AFAP1L1: variants seen among roughly 807,000 people sequenced by gnomAD.
AFAP1L1 encodes actin filament-associated protein 1-like 1.
A neutral mutation model predicts 99.8 loss-of-function variants in AFAP1L1; 77 were observed. The observed-to-expected ratio is 0.77, with a 90% CI of 0.64 to 0.93. The LOEUF (loss-of-function observed/expected upper bound fraction) is 0.93, where lower values mean the gene tolerates loss of function less well. Among genes scored for constraint, AFAP1L1 ranks in the 40% least tolerant of loss-of-function variants. AFAP1L1 has a pLI of 0.00. For missense variants in AFAP1L1, 893 were observed against 996.8 expected, an observed-to-expected ratio of 0.90 and a Z score of 1.40; for synonymous variants, 373 against 395.3, an observed-to-expected ratio of 0.94 and a Z score of 0.67.
In AFAP1L1 at chr5:149,301,135, T is replaced by C; in HGVS notation, c.232T>C (p.Cys78Arg). Residue 78 changes from cysteine to arginine, a missense_variant and splice_region_variant, in exon 4 of 19, where the codon TGT (cysteine) becomes CGT (arginine). Cys to Arg is a radical substitution (Grantham distance 180). Transcript: ENST00000296721. ...FVESLFEEFD[C>R]DLSDLRDMPE... ...CCCAATGGCCTGTCCCTCTGTAGAC[T>C]GTGACCTGAGTGACCTTCGGGACAT... The C allele has an allele frequency of 2.5e-6, 4 of 1,613,918 alleles. No homozygotes were observed. The highest frequency in any genetic ancestry group is 1.7e-4 in the Middle Eastern group (1 of 6,060).
chr5:149,322,161 T>G (rs1464389489), intron 14 of AFAP1L1, among the ~76,000 whole-genome samples: 2 of 152,256 alleles, frequency 1.3e-5, no homozygotes, highest in Non-Finnish European at 2.9e-5. Context: ...ATATTCTTCA[T>G]GCACAAATGT....
intron 1 of AFAP1L1, among the ~76,000 whole-genome samples, chr5:149,290,752 TTACTA>T (rs1307870993): frequency 1.4e-4 from 21 of 152,196 alleles, no homozygotes; most frequent in Non-Finnish European, 8.8e-5. Flanking sequence ...AAGCATCTCT[TTACTA>T]TACTGAGCCA....
intron 1 of AFAP1L1, among the ~76,000 whole-genome samples, chr5:149,284,131 G>T (rs1483591650): frequency 6.6e-6 from 1 of 152,260 alleles, no homozygotes; most frequent in East Asian, 1.9e-4. Context: ...AAGCAAAGCG[G>T]GGCAGCATGC....
chr5:149,330,213 G>T (rs1757217299), intron 16 of AFAP1L1, among the ~76,000 whole-genome samples: 1 of 152,194 alleles, frequency 6.6e-6, no homozygotes, highest in South Asian at 2.1e-4. Flanking sequence ...GTGAGACATT[G>T]GTCCTAGTGC....
chr5:149,278,058 C>A (rs1755393300), intron 1 of AFAP1L1, among the ~76,000 whole-genome samples: 1 of 152,196 alleles, frequency 6.6e-6, no homozygotes, highest in Non-Finnish European at 1.5e-5. Context: ...TCCTCCCTCC[C>A]ACCCTCTGCC....
intron 1 of AFAP1L1, among the ~76,000 whole-genome samples, chr5:149,294,439 C>T (rs1293799814): frequency 2.0e-5 from 3 of 152,178 alleles, no homozygotes; most frequent in Non-Finnish European, 4.4e-5. Flanking sequence ...TGTCATCAGA[C>T]TTCTGTATTC....
At chr5:149,280,899 G>A (rs1024622284) in intron 1 of AFAP1L1, among the ~76,000 whole-genome samples, 2 of 152,170 alleles carry the variant, frequency 1.3e-5, no homozygotes, top group African/African-American at 4.8e-5. Context: ...CAGAGTGCCA[G>A]AATGGAAATG....
intron 18 of AFAP1L1, 55 bp downstream of exon 18, chr5:149,335,777 T>C: frequency 6.3e-7 from 1 of 1,588,498 alleles, no homozygotes; most frequent in Non-Finnish European, 8.5e-7. Context: ...CCCCTTTCTA[T>C]GGAACTTCAC....
intron 1 of AFAP1L1, among the ~76,000 whole-genome samples, chr5:149,288,036 C>T (rs553440776): frequency 1.3e-5 from 2 of 152,218 alleles, no homozygotes; most frequent in South Asian, 4.1e-4. Flanking sequence ...GCTGTCAGCC[C>T]GGGGAGGTTG....
intron 1 of AFAP1L1, among the ~76,000 whole-genome samples, chr5:149,286,164 A>G (rs1234743191): frequency 2.0e-5 from 3 of 152,226 alleles, no homozygotes; most frequent in Non-Finnish European, 4.4e-5. Context: ...GATAATAATC[A>G]TATCATCAGC....
chr5:149,322,678 CG>C lies in AFAP1L1; in HGVS notation c.1772del (p.Arg591LeufsTer34). On this transcript the variant is annotated frameshift_variant, in exon 15 of 19. Coordinates refer to ENST00000296721, the MANE Select transcript of AFAP1L1 (RefSeq NM_152406.4). LOFTEE classifies it high-confidence loss of function. The part of the protein sequence containing the change: ...HASSCSEKSH[R>X]VDPQVKVKRH... ...CTCCTCCTGCAGTGAGAAGTCCCATCGTGTGGACCCGCAGGTCAAAGTCAAA... is the reference window on the plus strand; with the variant it reads ...CTCCTCCTGCAGTGAGAAGTCCCATCTGTGGACCCGCAGGTCAAAGTCAAA... 6.3e-7 allele frequency: 1 copy of C among 1,593,740 alleles called. No homozygotes were observed. The highest frequency in any genetic ancestry group is 1.7e-5 in the Admixed American group (1 of 57,650).
chr5:149,272,029 GA>G, intron 1 of AFAP1L1, 45 bp downstream of exon 1: 1 of 1,231,712 alleles, frequency 8.1e-7, no homozygotes, highest in Non-Finnish European at 1.0e-6. Context: ...CGCCGGGCGG[GA>G]AAGGGAGACT....
At chr5:149,277,115 C>T (rs886642824) in intron 1 of AFAP1L1, among the ~76,000 whole-genome samples, 4 of 152,154 alleles carry the variant, frequency 2.6e-5, no homozygotes, top group Non-Finnish European at 4.4e-5. Context: ...AACATTATGT[C>T]TGATCTCCCA....
rs534584910 is a variant in AFAP1L1, at chr5:149,299,573, C to T, written c.81C>T (p.Ser27=). 1.5e-5 allele frequency: 25 copies of T among 1,614,124 alleles called. No individual in the cohort carries two copies. Among genetic ancestry groups the T allele is most frequent in the Non-Finnish European group, 1.9e-5 (22 of 1,179,996 alleles). ...GCCTCCTGGACCACGAGTACCTCAG[C>T]GATACCACCCTGGAAAAGAAGATGG... ...LLSLLDHEYL[S]DTTLEKKMAV... Residue 27 remains serine (S), a synonymous_variant, in exon 2 of 19, where the codon AGC becomes AGT. Transcript: ENST00000296721.
intron 1 of AFAP1L1, among the ~76,000 whole-genome samples, chr5:149,273,881 C>A (rs919056929): frequency 6.6e-6 from 1 of 152,076 alleles, no homozygotes; most frequent in South Asian, 2.1e-4. Context: ...ATACCTAGGC[C>A]TACCCAGGCC....
In AFAP1L1 at chr5:149,320,536, A is replaced by G; in HGVS notation, c.1698+73A>G. 2.2e-6 allele frequency: 3 copies of G among 1,357,386 alleles called. No homozygotes were observed. Among genetic ancestry groups the G allele is most frequent in the South Asian group, 1.2e-5 (1 of 84,720 alleles). 84.1% of individuals were successfully genotyped at this position (1,357,386 alleles called of 1,614,324 possible). A position where few individuals can be genotyped will look rare whatever the true frequency, so the allele number is the denominator to read the frequency against. On this transcript the variant is annotated intron_variant, in intron 14 of 18. Coordinates refer to ENST00000296721, the MANE Select transcript of AFAP1L1 (RefSeq NM_152406.4). The surrounding 1 kb of genome is among the most constrained non-coding windows in gnomAD (Gnocchi z 4.0). Reference sequence around the variant, plus strand: ...AGCTCTCCCTCTTTCTGCTCCCTTTACCTTCTGCCTCAGAAAGATCATTTT... The same window carrying G: ...AGCTCTCCCTCTTTCTGCTCCCTTTGCCTTCTGCCTCAGAAAGATCATTTT...
In AFAP1L1 at chr5:149,341,548, T is replaced by C. The variant is rs1757560891; in HGVS notation, c.*1518T>C. On this transcript the variant is annotated 3_prime_UTR_variant, in exon 19 of 19. Transcript: ENST00000296721. ...TGGGAAGATTTAATAAGATAATATA[T>C]AGTAGGCATCTTGCATAGTGTCTGA... The C allele has an allele frequency of 6.6e-6, 1 of 152,214 alleles. No individual in the cohort carries two copies. The highest frequency in any genetic ancestry group is 2.4e-5 in the African/African-American group (1 of 41,454). The allele number at this position is 152,214 out of a possible 1,614,324, so 9.4% of individuals were successfully genotyped here.
chr5:149,279,386 G>A (rs570320567), intron 1 of AFAP1L1, among the ~76,000 whole-genome samples: 15 of 151,266 alleles, frequency 9.9e-5, no homozygotes, highest in African/African-American at 3.4e-4. Context: ...GTAGCTTAAG[G>A]ACTACTCTCA....
rs1039644723 is a variant in AFAP1L1 at position 149,343,274 on chromosome 5, A to G, written c.*3244A>G. ...TGTGACCCAAATAACTACAGTACAA[A>G]TAACCCATGTTATGACAAGATTCAG... On this transcript the variant is annotated 3_prime_UTR_variant, in exon 19 of 19. Transcript: ENST00000296721. 6.6e-6 allele frequency among the ~76,000 whole-genome samples: 1 copy of G among 152,102 alleles called. No individual in the cohort carries two copies. Among genetic ancestry groups the G allele is most frequent in the African/African-American group, 2.4e-5 (1 of 41,412 alleles).
Sources: allele counts gnomAD v4.1 joint callset (sites outside exome capture counted in the v4.1 genomes callset), GRCh38; gene constraint gnomAD v4.1.1; non-coding constraint Gnocchi (gnomAD v3.1); transcripts MANE v1.5; gene names NCBI Gene and HGNC (gene_info 2026-07-23, HGNC 2026-07-21).